The following SOCS7 variants were observed in gnomAD, a reference collection of about 807,000 sequenced individuals.
SOCS7 encodes suppressor of cytokine signaling 7.
A neutral mutation model predicts 58.9 loss-of-function variants in SOCS7; 18 were observed. The observed-to-expected ratio is 0.31, with a 90% confidence interval of 0.21 to 0.45. SOCS7 has a LOEUF of 0.45. Among genes scored for constraint, SOCS7 ranks in the 20% least tolerant of loss-of-function variants. The pLI is 1.00. For missense variants in SOCS7, 667 were observed against 837.3 expected (o/e 0.80, Z 2.51); for synonymous variants, 388 against 364.3 (o/e 1.06, Z -0.74).
In SOCS7 at chr17:38,405,261, T is replaced by G. The variant is rs2144427886; in HGVS notation, c.*5779T>G. 2.0e-5 allele frequency: 3 copies of G among 152,138 alleles called. No individual in the cohort carries two copies. The South Asian group carries it at 6.2e-4, about 32-fold the overall frequency. The allele number at this position is 152,138 out of a possible 1,614,324, so 9.4% of individuals were successfully genotyped here. A position where few individuals can be genotyped will look rare whatever the true frequency, so the allele number is the denominator to read the frequency against. On this transcript the variant is annotated 3_prime_UTR_variant, in exon 10 of 10. Coordinates refer to ENST00000612932, the MANE Select transcript of SOCS7 (RefSeq NM_014598.4). ...GGGATGGGGAAAGGGAAAGAGGTTT[T>G]GATATAAACAAAACAAATGCACTTT...
At chr17:38,394,991 A>T (rs1247951045) in intron 7 of SOCS7, among the ~76,000 whole-genome samples, 2 of 152,188 alleles carry the variant, frequency 1.3e-5, no homozygotes, top group African/African-American at 4.8e-5. Flanking sequence ...TCAAGGCTGC[A>T]GTGAGCTGAG....
rs1373966369 is a variant in SOCS7 at position 38,378,613 on chromosome 17, C to T, written c.1681+771C>T. On this transcript the variant is annotated intron_variant, in intron 7 of 9. Coordinates refer to ENST00000612932, the MANE Select transcript of SOCS7 (RefSeq NM_014598.4). The stretch of plus-strand genomic sequence containing the variant: ...GCCCATGTTGTACTAAACTTGCTGC[C>T]GAATAGTAAATACTTTGTTTTGTAT... Among the ~76,000 whole-genome samples the T allele has an allele frequency of 3.3e-5, 5 of 152,154 alleles. No individual in the cohort carries two copies. In the East Asian group the frequency reaches 5.8e-4, roughly 18 times the overall value.
At chr17:38,364,985 C>A in intron 3 of SOCS7, 129 bp downstream of exon 3, 1 of 680,452 alleles carries the variant, frequency 1.5e-6, no homozygotes, top group South Asian at 1.8e-5. Flanking sequence ...AGCTCTTTCT[C>A]AGCACCCCGT....
intron 7 of SOCS7, among the ~76,000 whole-genome samples, chr17:38,380,180 C>A (rs976370754): frequency 6.6e-6 from 1 of 152,124 alleles, no homozygotes; most frequent in African/African-American, 2.4e-5. Context: ...ATATTTTAAC[C>A]AAGATTCTTA....
At chr17:38,368,526 G>C (rs563271784) in intron 6 of SOCS7, among the ~76,000 whole-genome samples, 406 of 149,794 alleles carry the variant, frequency 2.7e-3, no homozygotes, top group Non-Finnish European at 4.3e-3. Flanking sequence ...TTTTGAGACA[G>C]AGTCTCGCTC....
intron 6 of SOCS7, among the ~76,000 whole-genome samples, chr17:38,372,728 G>T (rs145201413): frequency 6.6e-6 from 1 of 152,318 alleles, no homozygotes; most frequent in Non-Finnish European, 1.5e-5. Flanking sequence ...AAGAAAAATT[G>T]CTCAGTTTGT....
intron 4 of SOCS7, 79 bp downstream of exon 4, chr17:38,365,488 A>G: frequency 1.1e-6 from 1 of 906,572 alleles, no homozygotes; most frequent in Non-Finnish European, 1.6e-6. Flanking sequence ...GATGGGAGAA[A>G]TCTATTTATG....
intron 6 of SOCS7, among the ~76,000 whole-genome samples, chr17:38,369,045 A>G (rs1011866747): frequency 1.3e-5 from 2 of 152,194 alleles, no homozygotes; most frequent in Admixed American, 6.5e-5. Context: ...GACATTCTGT[A>G]TCTAACTTGG....
rs1364929469 is a variant in SOCS7, at chr17:38,404,491, T to C, written c.*5009T>C. On this transcript the variant is annotated 3_prime_UTR_variant, in exon 10 of 10. Transcript: ENST00000612932. ...ATTTCATTTCTAGAGGGTTTAGAGG[T>C]GACCTGGAACCGTTCCCTTTCCCTC... 1 of 152,152 alleles carries C rather than the reference T, an allele frequency of 6.6e-6. No homozygotes were observed. The highest frequency in any genetic ancestry group is 2.4e-5 in the African/African-American group (1 of 41,380). 9.4% of individuals were successfully genotyped at this position (152,152 alleles called of 1,614,324 possible).
At chr17:38,374,432 G>A (rs2037906193) in intron 6 of SOCS7, among the ~76,000 whole-genome samples, 2 of 152,080 alleles carry the variant, frequency 1.3e-5, no homozygotes, top group Admixed American at 1.3e-4. Flanking sequence ...CAGGTACTCG[G>A]GAGGGTCAAG....
chr17:38,355,430 C>T (rs907864734), intron 1 of SOCS7, among the ~76,000 whole-genome samples: 1 of 152,172 alleles, frequency 6.6e-6, no homozygotes, highest in Admixed American at 6.5e-5. Flanking sequence ...ATGTGCCAGT[C>T]TTGCTGGCAG....
At chr17:38,361,908 T>A in intron 2 of SOCS7, 133 bp downstream of exon 2, 1 of 673,094 alleles carries the variant, frequency 1.5e-6, no homozygotes, top group South Asian at 1.8e-5. Flanking sequence ...CCATGCTTAG[T>A]GGGTTTGGGG....
At chr17:38,370,968 T>A (rs928955803) in intron 6 of SOCS7, among the ~76,000 whole-genome samples, 17 of 152,192 alleles carry the variant, frequency 1.1e-4, no homozygotes, top group Admixed American at 3.9e-4. Context: ...GAATTTTTAA[T>A]GGAAACCTTG....
chr17:38,392,336 C>T (rs192155408), intron 7 of SOCS7, among the ~76,000 whole-genome samples: 92 of 152,308 alleles, frequency 6.0e-4, no homozygotes, highest in African/African-American at 2.2e-3. Context: ...GCATATTATC[C>T]TGATCTCTTT....
At chr17:38,389,867 A>G (rs1330355969) in intron 7 of SOCS7, among the ~76,000 whole-genome samples, 1,420 of 62,808 alleles carry the variant, frequency 0.023, 77 homozygotes, top group East Asian at 0.071. Flanking sequence ...GTATGTGTGT[A>G]CATATATATA....
intron 1 of SOCS7, among the ~76,000 whole-genome samples, chr17:38,360,861 C>T (rs886663084): frequency 9.2e-5 from 14 of 152,218 alleles, no homozygotes; most frequent in African/African-American, 3.4e-4. Flanking sequence ...ATTTCTATTA[C>T]CTCGACAAGT....
intron 1 of SOCS7, among the ~76,000 whole-genome samples, chr17:38,355,977 G>A (rs1485443076): frequency 6.6e-6 from 1 of 151,964 alleles, no homozygotes; most frequent in Non-Finnish European, 1.5e-5. Context: ...TCTGCTTCCC[G>A]GGTTCAAGCG....
intron 1 of SOCS7, among the ~76,000 whole-genome samples, chr17:38,359,000 C>T (rs587682193): frequency 2.2e-4 from 34 of 152,318 alleles, no homozygotes; most frequent in Non-Finnish European, 4.0e-4. Context: ...TGAAGAGACT[C>T]GTCCCCAGCA....
In SOCS7 at chr17:38,397,391, C is replaced by G. The variant is rs78182370; in HGVS notation, c.*30+1393C>G. On this transcript the variant is annotated intron_variant, in intron 9 of 9. Coordinates refer to ENST00000612932, the MANE Select transcript of SOCS7 (RefSeq NM_014598.4). The stretch of plus-strand genomic sequence containing the variant: ...CCAGTGCATGACTGCTCCCAACACT[C>G]AAGACAAGTGGCTCCCTGCCGGCCT... 9.9e-3 allele frequency among the ~76,000 whole-genome samples: 1,514 copies of G among 152,328 alleles called. 22 individuals carry two copies. Among genetic ancestry groups the G allele is most frequent in the African/African-American group, 0.033 (1,381 of 41,570 alleles).
Sources: allele counts gnomAD v4.1 joint callset (sites outside exome capture counted in the v4.1 genomes callset), GRCh38; gene constraint gnomAD v4.1.1; transcripts MANE v1.5; gene names NCBI Gene and HGNC (gene_info 2026-07-23, HGNC 2026-07-21).